Variants in ENTPD7 observed in about 807,000 individuals in gnomAD.
The protein encoded by ENTPD7 is ectonucleoside triphosphate diphosphohydrolase 7.
Under a neutral mutation model 77.9 loss-of-function variants are expected in ENTPD7, and 53 were observed. The ratio of observed to expected loss-of-function variants is 0.68; its 90% CI spans 0.55 to 0.85. ENTPD7 has a LOEUF of 0.85. Among genes scored for constraint, ENTPD7 ranks in the 40% least tolerant of loss-of-function variants. The pLI, the probability that ENTPD7 is intolerant of heterozygous loss-of-function variation, is 0.00. For missense variants in ENTPD7, 636 were observed against 743.7 expected, an observed-to-expected ratio of 0.86 and a Z score of 1.68; for synonymous variants, 248 against 274.9, an observed-to-expected ratio of 0.90 and a Z score of 0.97.
chr10:99,684,021 C>T (rs1344347877), intron 5 of ENTPD7, among the ~76,000 whole-genome samples: 1 of 152,096 alleles, frequency 6.6e-6, no homozygotes, highest in Non-Finnish European at 1.5e-5. Flanking sequence ...GAAGCATGGT[C>T]CTGGATTGCC....
At position 99,698,731 on chromosome 10, in the gene ENTPD7, T is replaced by A. The variant is rs754592693; in HGVS notation, c.1208T>A (p.Ile403Lys). 1 of 1,614,212 alleles carries A rather than the reference T, an allele frequency of 6.2e-7. No homozygotes were observed. Among genetic ancestry groups the A allele is most frequent in the Admixed American group, 1.7e-5 (1 of 60,028 alleles). The change falls in exon 10 of 13, where the codon ATA (isoleucine) becomes AAA (lysine). Residue 403 changes from isoleucine (I) to lysine (K), a missense_variant. Physicochemically the swap from Ile to Lys is moderately radical, Grantham distance 102. Around this residue, in one of 3 missense-constraint regions of ENTPD7, gnomAD observed 486 missense variants for 556.5 expected, o/e 0.87. Coordinates refer to ENST00000370489, the MANE Select transcript of ENTPD7 (RefSeq NM_020354.5). ...ACCAGCCAGGCCTCACTCAATGGCA[T>A]ATATCAATCGCCTATTGACTTCAAC... ...SNTSQASLNG[I>K]YQSPIDFNNS... is the part of the protein sequence containing the mutation.
intron 7 of ENTPD7, among the ~76,000 whole-genome samples, chr10:99,689,026 A>G (rs2035848068): frequency 6.6e-6 from 1 of 151,886 alleles, no homozygotes; most frequent in Admixed American, 6.6e-5. Context: ...TCTCCCCCAT[A>G]TCCCCCCATG....
At chr10:99,666,258 A>G (rs2035549147) in intron 3 of ENTPD7, among the ~76,000 whole-genome samples, 1 of 151,756 alleles carries the variant, frequency 6.6e-6, no homozygotes, top group African/African-American at 2.4e-5. Context: ...CCCAGGCCGG[A>G]GTGCAGTGGC....
chr10:99,709,392 T>G lies in ENTPD7; in HGVS notation c.*4709T>G. 1 of 985,444 alleles carries G rather than the reference T, an allele frequency of 1.0e-6. No homozygotes were observed. The highest frequency in any genetic ancestry group is 1.2e-6 in the Non-Finnish European group (1 of 829,908). The allele number at this position is 985,444 out of a possible 1,614,324, so 61.0% of individuals were successfully genotyped here. A position where few individuals can be genotyped will look rare whatever the true frequency, so the allele number is the denominator to read the frequency against. On this transcript the variant is annotated 3_prime_UTR_variant, in exon 13 of 13. Transcript: ENST00000370489. ...AGCAGATGTTTCAAATTCTCCCATA[T>G]TAGTCTCTTAGGGACGCTAGCTCCA... is the stretch of plus-strand genomic sequence containing the variant.
chr10:99,680,902 G>A (rs576328289), intron 5 of ENTPD7, among the ~76,000 whole-genome samples: 3 of 152,314 alleles, frequency 2.0e-5, no homozygotes, highest in African/African-American at 4.8e-5. Context: ...TATACAATAC[G>A]TTATTGTTGA....
chr10:99,695,315 G>A (rs1247604504), intron 8 of ENTPD7, among the ~76,000 whole-genome samples: 1 of 152,092 alleles, frequency 6.6e-6, no homozygotes, highest in Non-Finnish European at 1.5e-5. Flanking sequence ...ATGAGGTCAA[G>A]AGATCGAGAA....
chr10:99,699,746 A>G (rs1564635985), intron 10 of ENTPD7, among the ~76,000 whole-genome samples: 1 of 151,960 alleles, frequency 6.6e-6, no homozygotes. Flanking sequence ...TATTATTTTT[A>G]ATAGAGATGG....
At chr10:99,673,855 A>G (rs1247829242) in intron 3 of ENTPD7, among the ~76,000 whole-genome samples, 1 of 152,240 alleles carries the variant, frequency 6.6e-6, no homozygotes, top group Non-Finnish European at 1.5e-5. Context: ...ACCAATCAAT[A>G]CTATTTGATA....
chr10:99,704,203 C>T (rs2036200632), intron 12 of ENTPD7, among the ~76,000 whole-genome samples: 1 of 152,148 alleles, frequency 6.6e-6, no homozygotes. Context: ...AAGGCCTTCC[C>T]ATCTTGGCTT....
chr10:99,697,835 AC>A (rs2036017288), intron 9 of ENTPD7: 1 of 152,864 alleles, frequency 6.5e-6, no homozygotes, highest in South Asian at 2.1e-4. Flanking sequence ...AGTTACTTGG[AC>A]CCCAACTTAA....
At chr10:99,697,811 A>G (rs1426333445) in intron 9 of ENTPD7, 2 of 154,454 alleles carry the variant, frequency 1.3e-5, no homozygotes, top group East Asian at 1.9e-4. Context: ...TGAATAATTA[A>G]CTGCAATTGG....
At position 99,704,566 on chromosome 10, in the gene ENTPD7, C is replaced by A. The variant is rs772125485; in HGVS notation, c.1698C>A (p.Phe566Leu). ...ACILVVLLAI[F>L]LYLLRLRRIH... ...TCCTGGTGGTGCTACTGGCCATCTT[C>A]CTATACCTTCTGCGGCTACGCCGAA... Residue 566 changes from phenylalanine to leucine, a missense_variant, in exon 13 of 13, where the codon TTC becomes TTA. By Grantham distance (22) the Phe-to-Leu change is conservative. This residue lies in a region of ENTPD7 where 138 missense variants were observed against 150.9 expected (regional missense o/e 0.91). Coordinates refer to ENST00000370489, the MANE Select transcript of ENTPD7 (RefSeq NM_020354.5). 6.2e-7 allele frequency: 1 copy of A among 1,614,192 alleles called. No homozygotes were observed. Among genetic ancestry groups the A allele is most frequent in the South Asian group, 1.1e-5 (1 of 91,082 alleles).
Position 99,695,949 on chromosome 10 carries a change from A to C in ENTPD7, c.844-7A>C, listed in dbSNP as rs749791682. Reference sequence around the variant, plus strand: ...AATTCCCTTTTTCTCTTGGTATTGTATTATAGGAAGAAGCTGCCAAGATCC... The same window carrying C: ...AATTCCCTTTTTCTCTTGGTATTGTCTTATAGGAAGAAGCTGCCAAGATCC... On this transcript the variant is annotated splice_region_variant and splice_polypyrimidine_tract_variant and intron_variant, in intron 8 of 12. Transcript: ENST00000370489. 5 of 1,611,760 alleles carry C rather than the reference A, an allele frequency of 3.1e-6. No individual in the cohort carries two copies. In the South Asian group the frequency reaches 5.5e-5, roughly 18 times the overall value.
Position 99,660,526 on chromosome 10 carries a change from GCACACACACACA to G in ENTPD7, c.8+587_8+598del, listed in dbSNP as rs68112730. The G allele has an allele frequency of 4.5e-3, 1,280 of 283,216 alleles. 14 individuals are homozygous for G. Among genetic ancestry groups the G allele is most frequent in the African/African-American group, 0.025 (1,071 of 43,138 alleles). 17.5% of individuals were successfully genotyped at this position (283,216 alleles called of 1,614,324 possible). On this transcript the variant is annotated intron_variant, in intron 2 of 12. Coordinates refer to ENST00000370489, the MANE Select transcript of ENTPD7 (RefSeq NM_020354.5). ...TGTGTAAAACCGAGGGAATGGATAC[GCACACACACACA>G]CACACACACACACACACACACACAG...
At chr10:99,660,545 C>T (rs949456293) in intron 2 of ENTPD7, 10 of 350,436 alleles carry the variant, frequency 2.9e-5, no homozygotes, top group African/African-American at 2.0e-4. Flanking sequence ...CACACACACA[C>T]ACACACACAC....
chr10:99,695,418 A>T (rs2035954606), intron 8 of ENTPD7, among the ~76,000 whole-genome samples: 1 of 152,126 alleles, frequency 6.6e-6, no homozygotes, highest in South Asian at 2.1e-4. Context: ...ACTACTCAGG[A>T]GGCTGAGGCA....
chr10:99,699,870 CTCA>C (rs1220030418), intron 10 of ENTPD7, among the ~76,000 whole-genome samples: 2 of 151,998 alleles, frequency 1.3e-5, no homozygotes, highest in Non-Finnish European at 2.9e-5. Flanking sequence ...CCAGCCTCTC[CTCA>C]TATTTCCCTC....
intron 10 of ENTPD7, among the ~76,000 whole-genome samples, chr10:99,700,393 C>CGTGTGT (rs1274032554): frequency 8.7e-5 from 9 of 103,648 alleles, no homozygotes; most frequent in African/African-American, 3.0e-4. Flanking sequence ...TCCAACGTAC[C>CGTGTGT]GTGTGTGTGT....
chr10:99,704,667 T>A lies in ENTPD7; in HGVS notation c.1799T>A (p.Val600Glu). Residue 600 changes from valine to glutamate, a missense_variant, in exon 13 of 13, where the codon GTA (valine) becomes GAA (glutamate). Physicochemically the swap from Val to Glu is moderately radical, Grantham distance 121. Coordinates refer to ENST00000370489, the MANE Select transcript of ENTPD7 (RefSeq NM_020354.5). ...GAAGAGGTGGTGCCCATGATGGGAG[T>A]ACAGGTGGGGCCGTGAGGCTGGACC... The part of the protein sequence containing the change: ...WLEEVVPMMG[V>E]QVGP 6.2e-7 allele frequency: 1 copy of A among 1,613,606 alleles called. No homozygotes were observed. The highest frequency in any genetic ancestry group is 1.1e-5 in the South Asian group (1 of 91,012).
Sources: allele counts gnomAD v4.1 joint callset (sites outside exome capture counted in the v4.1 genomes callset), GRCh38; gene constraint gnomAD v4.1.1; regional missense constraint gnomAD v4.1.1; transcripts MANE v1.5; gene names NCBI Gene and HGNC (gene_info 2026-07-23, HGNC 2026-07-21).